The following USP14 variants were observed in gnomAD, a reference collection of about 807,000 sequenced individuals.
The protein encoded by USP14 is ubiquitin specific peptidase 14.
A neutral mutation model predicts 76.5 loss-of-function variants in USP14; 38 were observed. The observed-to-expected ratio is 0.50, with a 90% CI of 0.38 to 0.65. The LOEUF (loss-of-function observed/expected upper bound fraction) is 0.65, where lower values mean the gene tolerates loss of function less well. Among genes scored for constraint, USP14 ranks in the 30% least tolerant of loss-of-function variants. The pLI, the probability that USP14 is intolerant of heterozygous loss-of-function variation, is 0.00. For missense variants in USP14, 467 were observed against 586.5 expected, an observed-to-expected ratio of 0.80 and a Z score of 2.10; for synonymous variants, 192 against 191.7, an observed-to-expected ratio of 1.00 and a Z score of -0.01.
At chr18:166,099 A>G (rs879719797) in intron 2 of USP14, among the ~76,000 whole-genome samples, 3 of 152,194 alleles carry the variant, frequency 2.0e-5, no homozygotes, top group Admixed American at 2.0e-4. Context: ...CATTCTTGCC[A>G]CGTAAGCTTG....
rs59833745 is a variant in USP14 at position 214,000 on chromosome 18, T to TAGATAGATAGA, written c.*2716_*2717insAGATAGATAGA. The stretch of plus-strand genomic sequence containing the variant: ...TTAGATAGATAGATAGATAGATAGA[T>TAGATAGATAGA]GATGATTGATTGATGATTGATAGTA... On this transcript the variant is annotated 3_prime_UTR_variant, in exon 16 of 16. Coordinates refer to ENST00000261601, the MANE Select transcript of USP14 (RefSeq NM_005151.4). The TAGATAGATAGA allele has an allele frequency of 6.7e-6, 1 of 149,344 alleles. No homozygotes were observed. The highest frequency in any genetic ancestry group is 2.5e-5 in the African/African-American group (1 of 40,518). The allele number at this position is 149,344 out of a possible 1,614,324, so 9.3% of individuals were successfully genotyped here.
intron 5 of USP14, among the ~76,000 whole-genome samples, chr18:187,437 C>T (rs922935053): frequency 2.0e-5 from 3 of 152,208 alleles, no homozygotes; most frequent in East Asian, 3.9e-4. Context: ...GTTCAATACG[C>T]CTTTCTCCCT....
chr18:209,132 T>G lies in USP14; in HGVS notation c.1165-839T>G, dbSNP rs1363284364. Among the ~76,000 whole-genome samples, 8 of 151,348 alleles carry G rather than the reference T, an allele frequency of 5.3e-5. No homozygotes were observed. The East Asian group carries it at 1.2e-3, about 22-fold the overall frequency. On this transcript the variant is annotated intron_variant, in intron 13 of 15. Coordinates refer to ENST00000261601, the MANE Select transcript of USP14 (RefSeq NM_005151.4). ...TTTTGATGTTTTGCCTTTTTTTTTT[T>G]GTCTTCTTGTGGGTTACTTGAACTG...
intron 2 of USP14, among the ~76,000 whole-genome samples, chr18:165,549 CTTATT>C (rs1361888549): frequency 4.6e-5 from 7 of 152,130 alleles, no homozygotes; most frequent in Admixed American, 2.6e-4. Flanking sequence ...TTATTGAGTA[CTTATT>C]TTATGTCAGG....
intron 3 of USP14, among the ~76,000 whole-genome samples, chr18:171,009 T>TAAAAAA (rs145131497): frequency 5.5e-5 from 5 of 91,732 alleles, no homozygotes; most frequent in African/African-American, 2.3e-4. Flanking sequence ...CCCTGGAACT[T>TAAAAAA]AAAAAAAAAA....
At chr18:176,232 C>T (rs1055616830) in intron 3 of USP14, among the ~76,000 whole-genome samples, 2 of 150,384 alleles carry the variant, frequency 1.3e-5, no homozygotes, top group Non-Finnish European at 3.0e-5. Context: ...CTTTCTACTT[C>T]GGTTTTAAAT....
chr18:171,025 A>AAAAAAAAAAAAAATATAT (rs1327304974), intron 3 of USP14, among the ~76,000 whole-genome samples: 1 of 47,650 alleles, frequency 2.1e-5, no homozygotes, highest in African/African-American at 8.7e-5. Context: ...AAAAAAAAAA[A>AAAAAAAAAAAAAATATAT]ATATATATAT....
chr18:161,723 T>C (rs972451576), intron 1 of USP14, among the ~76,000 whole-genome samples: 9 of 152,126 alleles, frequency 5.9e-5, no homozygotes, highest in Non-Finnish European at 1.0e-4. Flanking sequence ...ATTTCAGGAG[T>C]TGGAAAGCAA....
intron 5 of USP14, among the ~76,000 whole-genome samples, chr18:184,547 A>T (rs570218711): frequency 6.6e-6 from 1 of 152,238 alleles, no homozygotes; most frequent in African/African-American, 2.4e-5. Flanking sequence ...TGAGCTTAGG[A>T]ATTTGAGACT....
At chr18:184,300 T>G (rs913030125) in intron 5 of USP14, among the ~76,000 whole-genome samples, 5 of 152,212 alleles carry the variant, frequency 3.3e-5, no homozygotes, top group Non-Finnish European at 1.5e-5. Flanking sequence ...ATACAAGATG[T>G]CATGGATGGT....
intron 13 of USP14, among the ~76,000 whole-genome samples, chr18:207,036 A>AAACTTCATGTGTCTTTCTAT (rs1555603127): frequency 1.4e-5 from 2 of 146,878 alleles, no homozygotes; most frequent in Non-Finnish European, 1.5e-5. Flanking sequence ...GCATGTGAAT[A>AAACTTCATGTGTCTTTCTAT]TCTGGTTGTC....
chr18:160,999 C>T (rs1357784307), intron 1 of USP14, among the ~76,000 whole-genome samples: 2 of 152,130 alleles, frequency 1.3e-5, no homozygotes, highest in East Asian at 3.8e-4. Context: ...GCGATGTTGG[C>T]TCACTGCGAC....
intron 2 of USP14, among the ~76,000 whole-genome samples, chr18:165,402 C>G (rs1360192706): frequency 1.3e-5 from 2 of 152,124 alleles, no homozygotes; most frequent in African/African-American, 2.4e-5. Context: ...TGTTTACCCC[C>G]GAAGGTACAG....
chr18:160,329 A>G (rs146922887), intron 1 of USP14, among the ~76,000 whole-genome samples: 66 of 152,272 alleles, frequency 4.3e-4, no homozygotes, highest in Non-Finnish European at 7.5e-4. Flanking sequence ...AGAAAATTAC[A>G]TATCTAGATT....
chr18:159,604 A>G (rs1909060299), intron 1 of USP14, among the ~76,000 whole-genome samples: 1 of 152,224 alleles, frequency 6.6e-6, no homozygotes, highest in East Asian at 1.9e-4. Flanking sequence ...GATACGAATC[A>G]AGAGTATTGT....
chr18:170,242 T>C (rs932797694), intron 3 of USP14, among the ~76,000 whole-genome samples: 1 of 152,108 alleles, frequency 6.6e-6, no homozygotes, highest in Non-Finnish European at 1.5e-5. Context: ...AGATGGAGGT[T>C]GCAGTGAGCT....
intron 4 of USP14, among the ~76,000 whole-genome samples, chr18:179,917 G>A (rs886368692): frequency 6.6e-6 from 1 of 151,678 alleles, no homozygotes; most frequent in Admixed American, 6.6e-5. Flanking sequence ...TTTGCTTTTT[G>A]TTTTGAAGTG....
At chr18:201,654 A>G (rs1020232435) in intron 10 of USP14, among the ~76,000 whole-genome samples, 3 of 152,236 alleles carry the variant, frequency 2.0e-5, no homozygotes, top group Admixed American at 2.0e-4. Context: ...TGCAAGTTTC[A>G]GGATATACCA....
intron 2 of USP14, 100 bp downstream of exon 2, chr18:163,553 CT>C (rs1909184143): frequency 1.1e-5 from 15 of 1,349,824 alleles, no homozygotes; most frequent in East Asian, 5.0e-5. Flanking sequence ...ATTTGAAGTG[CT>C]TTTTTTATAT....
Sources: gnomAD v4.1 joint callset for allele counts (sites outside exome capture counted in the v4.1 genomes callset) on GRCh38, gnomAD v4.1.1 for gene constraint, MANE v1.5 for transcripts, NCBI Gene and HGNC (gene_info 2026-07-23, HGNC 2026-07-21) for gene names.